Variants in TJP1 observed in about 807,000 individuals in gnomAD.
TJP1 encodes the protein tight junction protein ZO-1.
A neutral mutation model predicts 194.2 loss-of-function variants in TJP1; 43 were observed. The ratio of observed to expected loss-of-function variants is 0.22; its 90% CI spans 0.17 to 0.29. TJP1 has a LOEUF of 0.29. TJP1 is among the 10% of genes least tolerant of loss of function. TJP1 has a pLI of 1.00. For synonymous variants in TJP1, 801 were observed against 779.0 expected (o/e 1.03, Z -0.47); for missense variants, 1,971 against 2,185.7 (o/e 0.90, Z 1.96).
In TJP1 at chr15:29,811,772, GAAAT is replaced by G. The variant is rs1363529486; in HGVS notation, c.27+10226_27+10229del. Among the ~76,000 whole-genome samples, 32 of 152,164 alleles carry G rather than the reference GAAAT, an allele frequency of 2.1e-4. No individual in the cohort carries two copies. The East Asian group carries it at 4.5e-3, about 21-fold the overall frequency. On this transcript the variant is annotated intron_variant, in intron 1 of 27. Coordinates refer to ENST00000614355, the MANE Select transcript of TJP1 (RefSeq NM_001330239.4). Reference sequence around the variant, plus strand: ...CTACAGGCTGATTGATCTTTGTCCAGAAATAAATAAATGAATCCTCCTTCTGAAA... The same window carrying G: ...CTACAGGCTGATTGATCTTTGTCCAGAAATAAATGAATCCTCCTTCTGAAA...
intron 2 of TJP1, among the ~76,000 whole-genome samples, chr15:29,869,883 T>A (rs2052448270): frequency 7.3e-6 from 1 of 136,194 alleles, no homozygotes; most frequent in Non-Finnish European, 1.5e-5. Flanking sequence ...CTCGGCTCAC[T>A]GCAACCTCCA....
intron 2 of TJP1, among the ~76,000 whole-genome samples, chr15:29,864,602 A>T (rs1331049982): frequency 3.3e-5 from 5 of 152,134 alleles, no homozygotes; most frequent in Non-Finnish European, 5.9e-5. Context: ...CTGCAAAAGG[A>T]TCTCACCCAT....
chr15:29,720,502 G>A lies in TJP1; in HGVS notation c.2619C>T (p.Ala873=), dbSNP rs1305592257. The A allele has an allele frequency of 6.2e-7, 1 of 1,614,096 alleles. No homozygotes were observed. Among genetic ancestry groups the A allele is most frequent in the Non-Finnish European group, 8.5e-7 (1 of 1,180,024 alleles). The part of the protein sequence containing the change: ...NDEVGTPPES[A]ITRSSEPVRE... ...TTACAGGCTCAGAGGACCGTGTAAT[G>A]GCAGACTCCGGTGGAGTCCCAACCT... Residue 873 remains alanine (A), a synonymous_variant, in exon 19 of 28, where the codon GCC becomes GCT. Transcript: ENST00000614355.
At chr15:29,894,974 T>G (rs535279498) in intron 2 of TJP1, among the ~76,000 whole-genome samples, 29 of 152,336 alleles carry the variant, frequency 1.9e-4, no homozygotes, top group Admixed American at 1.8e-3. Flanking sequence ...TGGTGCCCAG[T>G]TGTGCAGCAA....
At chr15:29,893,569 G>A (rs1361142431) in intron 2 of TJP1, among the ~76,000 whole-genome samples, 1 of 152,090 alleles carries the variant, frequency 6.6e-6, no homozygotes, top group African/African-American at 2.4e-5. Flanking sequence ...GCACCACCCT[G>A]ATCAGCCAGC....
chr15:29,891,036 G>A (rs2053289989), intron 2 of TJP1, among the ~76,000 whole-genome samples: 1 of 152,190 alleles, frequency 6.6e-6, no homozygotes, highest in Non-Finnish European at 1.5e-5. Flanking sequence ...TTCTCCTAGA[G>A]CAGCATCTTT....
intron 1 of TJP1, among the ~76,000 whole-genome samples, chr15:29,819,549 C>CG (rs1417076353): frequency 6.6e-6 from 1 of 152,182 alleles, no homozygotes; most frequent in Non-Finnish European, 1.5e-5. Flanking sequence ...CCTGAACTGA[C>CG]GGGCTGCTTT....
intron 18 of TJP1, among the ~76,000 whole-genome samples, chr15:29,722,505 T>A (rs982864748): frequency 5.3e-5 from 8 of 152,034 alleles, no homozygotes; most frequent in Non-Finnish European, 1.2e-4. Context: ...CTGCCTAGAT[T>A]TCAGAGGATG....
At chr15:29,758,708 G>GTA (rs1352618455) in intron 8 of TJP1, among the ~76,000 whole-genome samples, 2 of 152,284 alleles carry the variant, frequency 1.3e-5, no homozygotes, top group African/African-American at 4.8e-5. Flanking sequence ...CTGTGTGTGT[G>GTA]TATGTGTTGC....
At chr15:29,775,669 A>G (rs1272702000) in intron 2 of TJP1, among the ~76,000 whole-genome samples, 1 of 152,092 alleles carries the variant, frequency 6.6e-6, no homozygotes, top group Non-Finnish European at 1.5e-5. Flanking sequence ...ACAATATCCA[A>G]ATTTCAAATT....
chr15:29,734,450 C>G (rs983499357), intron 11 of TJP1, 68 bp from the exon 12 acceptor site: 17 of 1,088,778 alleles, frequency 1.6e-5, no homozygotes, highest in South Asian at 2.8e-5. Flanking sequence ...ACGCAGGACA[C>G]AGATACTCTC....
At chr15:29,818,024 C>G (rs2050054634) in intron 1 of TJP1, among the ~76,000 whole-genome samples, 1 of 151,252 alleles carries the variant, frequency 6.6e-6, no homozygotes, top group Admixed American at 6.6e-5. Flanking sequence ...AAAAAAAAAG[C>G]CCACTGTGCT....
At chr15:29,857,142 T>A (rs553366445) in intron 2 of TJP1, among the ~76,000 whole-genome samples, 1 of 152,086 alleles carries the variant, frequency 6.6e-6, no homozygotes, top group Non-Finnish European at 1.5e-5. Context: ...AACTATACTA[T>A]AAGAAAATAA....
intron 2 of TJP1, among the ~76,000 whole-genome samples, chr15:29,891,114 C>G (rs373181726): frequency 6.6e-6 from 1 of 152,222 alleles, no homozygotes; most frequent in African/African-American, 2.4e-5. Flanking sequence ...TCAAATCCCC[C>G]TTCTTCCATG....
intron 2 of TJP1, among the ~76,000 whole-genome samples, chr15:29,910,736 T>C (rs1324807858): frequency 1.3e-5 from 2 of 152,248 alleles, no homozygotes; most frequent in African/African-American, 4.8e-5. Flanking sequence ...CCAATAACTC[T>C]AATGATATGA....
At position 29,840,930 on chromosome 15, in the gene TJP1, G is replaced by A. The variant is rs149273452; in HGVS notation, c.307-40228C>T. ...GGGAGCATAACTGAGACTTCGGGAA[G>A]GCTTTCCTAGGAGATAGCACTGTAG... On this transcript the variant is annotated intron_variant, in intron 2 of 28. Transcript: ENST00000356107. Among the ~76,000 whole-genome samples the A allele has an allele frequency of 4.2e-4, 64 of 152,262 alleles. 1 individual carries two copies. The East Asian group carries it at 0.012, about 28-fold the overall frequency.
intron 18 of TJP1, among the ~76,000 whole-genome samples, chr15:29,723,948 G>A (rs1209458166): frequency 1.3e-5 from 2 of 152,186 alleles, no homozygotes; most frequent in Non-Finnish European, 2.9e-5. Context: ...AGTTACTCAT[G>A]AGAGCTGAAG....
chr15:29,764,573 A>T (rs1262191854), intron 5 of TJP1, among the ~76,000 whole-genome samples: 1 of 152,306 alleles, frequency 6.6e-6, no homozygotes, highest in East Asian at 1.9e-4. Flanking sequence ...GGGTGGAGGC[A>T]GTGGAGAAAG....
chr15:29,836,274 CTT>C (rs1301707709), intron 2 of TJP1, among the ~76,000 whole-genome samples: 12 of 143,466 alleles, frequency 8.4e-5, no homozygotes, highest in Non-Finnish European at 7.7e-5. Context: ...GGATGATCAA[CTT>C]TTTTTTTTTT....
Sources: allele counts gnomAD v4.1 joint callset (sites outside exome capture counted in the v4.1 genomes callset), GRCh38; gene constraint gnomAD v4.1.1; transcripts MANE v1.5; gene names NCBI Gene and HGNC (gene_info 2026-07-23, HGNC 2026-07-21).